MDGA2: variants seen among roughly 807,000 people sequenced by gnomAD.
MDGA2 encodes MAM domain-containing glycosylphosphatidylinositol anchor protein 2.
A neutral mutation model predicts 117.8 loss-of-function variants in MDGA2; 40 were observed. The ratio of observed to expected loss-of-function variants is 0.34; its 90% confidence interval spans 0.26 to 0.44. The LOEUF (loss-of-function observed/expected upper bound fraction) is 0.44, where lower values mean the gene tolerates loss of function less well. MDGA2 is among the 20% of genes least tolerant of loss of function. MDGA2 has a pLI of 1.00. For synonymous variants in MDGA2, 452 were observed against 439.0 expected (o/e 1.03, Z -0.37); for missense variants, 1,123 against 1,250.6 (o/e 0.90, Z 1.54).
chr14:47,355,245 C>T (rs1309594178), intron 1 of MDGA2, among the ~76,000 whole-genome samples: 2 of 152,136 alleles, frequency 1.3e-5, no homozygotes, highest in Non-Finnish European at 2.9e-5. Context: ...GACCTATGAT[C>T]AGCCCTGAAT....
chr14:46,848,424 T>C (rs1880928729), intron 15 of MDGA2, among the ~76,000 whole-genome samples: 1 of 151,946 alleles, frequency 6.6e-6, no homozygotes, highest in South Asian at 2.1e-4. Context: ...AACATACATG[T>C]CGTCAAAGTC....
chr14:47,501,681 G>C (rs1334715095), intron 1 of MDGA2, among the ~76,000 whole-genome samples: 1 of 152,100 alleles, frequency 6.6e-6, no homozygotes, highest in Non-Finnish European at 1.5e-5. Flanking sequence ...GAAAGATCTG[G>C]ATACAAAGAT....
At chr14:47,207,776 C>A (rs1274386709) in intron 3 of MDGA2, among the ~76,000 whole-genome samples, 1 of 151,946 alleles carries the variant, frequency 6.6e-6, no homozygotes, top group Non-Finnish European at 1.5e-5. Context: ...AGCCTGGTGA[C>A]AAACTCAAGA....
At chr14:46,868,519 A>T (rs182012924) in intron 14 of MDGA2, among the ~76,000 whole-genome samples, 1 of 151,856 alleles carries the variant, frequency 6.6e-6, no homozygotes, top group Non-Finnish European at 1.5e-5. Context: ...CTATGAAGCT[A>T]CCCCAAGGAA....
intron 5 of MDGA2, among the ~76,000 whole-genome samples, chr14:47,125,610 A>C (rs1881863986): frequency 6.6e-6 from 1 of 152,048 alleles, no homozygotes; most frequent in Admixed American, 6.6e-5. Context: ...AAAATTGAAG[A>C]ATAAGTGAGA....
At chr14:47,103,723 C>A (rs1489233673) in intron 5 of MDGA2, among the ~76,000 whole-genome samples, 1 of 152,186 alleles carries the variant, frequency 6.6e-6, no homozygotes, top group African/African-American at 2.4e-5. Context: ...AGATGCGATT[C>A]ATATGACCAT....
intron 3 of MDGA2, among the ~76,000 whole-genome samples, chr14:47,155,019 C>A (rs1361291626): frequency 6.6e-6 from 1 of 152,186 alleles, no homozygotes; most frequent in Non-Finnish European, 1.5e-5. Flanking sequence ...CTCAGCCAGA[C>A]TGGGACAGAC....
intron 5 of MDGA2, among the ~76,000 whole-genome samples, chr14:47,097,688 G>T (rs946603633): frequency 1.9e-4 from 29 of 151,908 alleles, no homozygotes; most frequent in Admixed American, 1.9e-3. Context: ...TAATTCTAAT[G>T]CAGTGTCCAT....
intron 1 of MDGA2, among the ~76,000 whole-genome samples, chr14:47,485,352 G>T (rs1418761813): frequency 6.6e-6 from 1 of 152,120 alleles, no homozygotes; most frequent in African/African-American, 2.4e-5. Context: ...TAGGGCATAT[G>T]GTAGAAGGAA....
chr14:47,131,675 T>C lies in MDGA2; in HGVS notation c.925+39A>G, dbSNP rs75690903. 4.3e-4 allele frequency: 613 copies of C among 1,428,522 alleles called. 3 individuals carry two copies. The African/African-American group carries it at 7.9e-3, about 18-fold the overall frequency. The allele number at this position is 1,428,522 out of a possible 1,614,324, so 88.5% of individuals were successfully genotyped here. On this transcript the variant is annotated intron_variant, in intron 5 of 16. Coordinates refer to ENST00000399232, the MANE Select transcript of MDGA2 (RefSeq NM_001113498.3). ...AAAGAGAGTTTTTAAACATTAGTTG[T>C]AGATAAGATACATGTAACATACAGA...
intron 1 of MDGA2, among the ~76,000 whole-genome samples, chr14:47,370,312 TA>T (rs5808391): frequency 2.8e-5 from 4 of 144,742 alleles, no homozygotes; most frequent in Non-Finnish European, 3.0e-5. Flanking sequence ...ATGCTTTGAA[TA>T]AAAAAAAAAG....
chr14:47,262,079 A>G (rs1043426931), intron 2 of MDGA2, among the ~76,000 whole-genome samples: 30 of 152,158 alleles, frequency 2.0e-4, no homozygotes, highest in Non-Finnish European at 2.4e-4. Flanking sequence ...TTACCCACAG[A>G]CATTTCAACT....
intron 2 of MDGA2, among the ~76,000 whole-genome samples, chr14:47,283,019 A>G (rs1026337693): frequency 6.6e-6 from 1 of 152,208 alleles, no homozygotes; most frequent in African/African-American, 2.4e-5. Flanking sequence ...TCAAATGTAC[A>G]CTCCAAAAAT....
chr14:47,172,420 T>C (rs1884196818), intron 3 of MDGA2, among the ~76,000 whole-genome samples: 1 of 150,130 alleles, frequency 6.7e-6, no homozygotes, highest in East Asian at 2.0e-4. Flanking sequence ...GACTGACACC[T>C]CACACGGCCG....
At chr14:47,036,620 C>T (rs72678438) in intron 7 of MDGA2, among the ~76,000 whole-genome samples, 8,413 of 152,238 alleles carry the variant, frequency 0.055, 253 homozygotes, top group South Asian at 0.12. Flanking sequence ...TCTATCCTTC[C>T]GATAAATGTT....
At chr14:47,232,719 T>C (rs1451935995) in intron 2 of MDGA2, among the ~76,000 whole-genome samples, 5 of 152,138 alleles carry the variant, frequency 3.3e-5, no homozygotes, top group African/African-American at 1.2e-4. Flanking sequence ...TATTCCAAAA[T>C]GATAAATCAA....
intron 1 of MDGA2, among the ~76,000 whole-genome samples, chr14:47,599,083 C>A (rs898971353): frequency 6.6e-6 from 1 of 151,894 alleles, no homozygotes; most frequent in African/African-American, 2.4e-5. Context: ...TGTTTCCCAT[C>A]AGTTTATTTC....
intron 1 of MDGA2, among the ~76,000 whole-genome samples, chr14:47,415,420 A>C (rs1892454674): frequency 6.6e-6 from 1 of 152,172 alleles, no homozygotes. Context: ...CTATGGCTTC[A>C]GAAACCCATG....
chr14:46,921,083 A>G (rs1049190377), intron 9 of MDGA2, among the ~76,000 whole-genome samples: 1 of 152,142 alleles, frequency 6.6e-6, no homozygotes, highest in East Asian at 1.9e-4. Context: ...TCTATTACAA[A>G]TAACATATTT....
Sources: allele counts gnomAD v4.1 joint callset (sites outside exome capture counted in the v4.1 genomes callset), GRCh38; gene constraint gnomAD v4.1.1; transcripts MANE v1.5; gene names NCBI Gene and HGNC (gene_info 2026-07-23, HGNC 2026-07-21).